OSBP2: variants seen among roughly 807,000 people sequenced by gnomAD.
OSBP2 encodes the protein oxysterol binding protein 2.
OSBP2 carries 66 observed loss-of-function variants against 96.0 expected under a neutral mutation model. The observed-to-expected ratio is 0.69, with a 90% CI of 0.56 to 0.84. OSBP2 has a LOEUF of 0.84. OSBP2 is among the 40% of genes least tolerant of loss of function. OSBP2 has a pLI of 0.00. For missense variants in OSBP2, 1,038 were observed against 1,222.7 expected (o/e 0.85, Z 2.25); for synonymous variants, 525 against 520.9 (o/e 1.01, Z -0.11).
intron 3 of OSBP2, among the ~76,000 whole-genome samples, chr22:30,873,262 G>A (rs2039497571): frequency 6.6e-6 from 1 of 152,154 alleles, no homozygotes; most frequent in Non-Finnish European, 1.5e-5. Context: ...AAGAGGTAAG[G>A]GTGACCTCCT....
intron 1 of OSBP2, among the ~76,000 whole-genome samples, chr22:30,725,477 C>T (rs1312095637): frequency 1.3e-5 from 2 of 151,658 alleles, no homozygotes; most frequent in East Asian, 3.9e-4. Context: ...CACCACTGCA[C>T]TTCGGCCTGG....
intron 2 of OSBP2, among the ~76,000 whole-genome samples, chr22:30,763,980 A>G (rs967743560): frequency 6.6e-6 from 1 of 152,166 alleles, no homozygotes; most frequent in African/African-American, 2.4e-5. Flanking sequence ...TCTGTAACTC[A>G]GTGTCTAGGG....
At position 30,847,000 on chromosome 22, in the gene OSBP2, T is replaced by G. The variant is rs146647460; in HGVS notation, c.854-23429T>G. Among the ~76,000 whole-genome samples, 20 of 152,242 alleles carry G rather than the reference T, an allele frequency of 1.3e-4. No individual in the cohort carries two copies. In the Middle Eastern group the frequency reaches 0.01, roughly 78 times the overall value. The stretch of plus-strand genomic sequence containing the variant: ...TTATTTATTTATTTATTTTTTGAGA[T>G]GGAGTCTTTCTCAATCACCCTGGCT... On this transcript the variant is annotated intron_variant, in intron 2 of 13. Coordinates refer to ENST00000332585, the MANE Select transcript of OSBP2 (RefSeq NM_030758.4).
chr22:30,753,210 T>C (rs1333396452), intron 2 of OSBP2, among the ~76,000 whole-genome samples: 1 of 151,828 alleles, frequency 6.6e-6, no homozygotes, highest in East Asian at 1.9e-4. Context: ...ATTAGCACAG[T>C]GTAAGGTAGG....
intron 1 of OSBP2, among the ~76,000 whole-genome samples, chr22:30,737,656 G>A (rs1035787030): frequency 6.6e-6 from 1 of 151,650 alleles, no homozygotes; most frequent in African/African-American, 2.4e-5. Flanking sequence ...GACCATCTCT[G>A]TTTCTTTCCT....
At chr22:30,730,016 T>A (rs2089721633) in intron 1 of OSBP2, among the ~76,000 whole-genome samples, 2 of 152,090 alleles carry the variant, frequency 1.3e-5, no homozygotes, top group Non-Finnish European at 2.9e-5. Context: ...TGGAGTGCAG[T>A]GGCACAATCT....
chr22:30,851,560 C>G (rs2038978791), intron 2 of OSBP2, among the ~76,000 whole-genome samples: 2 of 152,114 alleles, frequency 1.3e-5, no homozygotes, highest in Non-Finnish European at 2.9e-5. Flanking sequence ...TTCTTCCTTT[C>G]TAACCCATAT....
chr22:30,730,205 T>G (rs2089725490), intron 1 of OSBP2, among the ~76,000 whole-genome samples: 1 of 152,136 alleles, frequency 6.6e-6, no homozygotes, highest in African/African-American at 2.4e-5. Flanking sequence ...TCAAGTGATT[T>G]GACGACCTCG....
chr22:30,866,199 T>C (rs1602382501), intron 2 of OSBP2, among the ~76,000 whole-genome samples: 2 of 152,154 alleles, frequency 1.3e-5, no homozygotes, highest in South Asian at 4.2e-4. Context: ...ATGAAGAATT[T>C]TGAGATGCGG....
At chr22:30,724,841 G>A (rs987124384) in intron 1 of OSBP2, among the ~76,000 whole-genome samples, 9 of 152,108 alleles carry the variant, frequency 5.9e-5, no homozygotes, top group African/African-American at 2.2e-4. Context: ...AGATATCCCA[G>A]TGTGCTCCAT....
rs1264627509 is a variant in OSBP2, at chr22:30,890,479, A to T, written c.1624-249A>T. On this transcript the variant is annotated intron_variant, in intron 7 of 13. Coordinates refer to ENST00000332585, the MANE Select transcript of OSBP2 (RefSeq NM_030758.4). The surrounding 1 kb of genome is among the most constrained non-coding windows in gnomAD (Gnocchi z 4.4). The stretch of plus-strand genomic sequence containing the variant: ...GGTGTCCATCCGAGCAGAGGAGAGC[A>T]ACAGTGAACATGATAAAAGTGTGTA... Among the ~76,000 whole-genome samples the T allele has an allele frequency of 5.9e-5, 9 of 152,240 alleles. No homozygotes were observed. Among genetic ancestry groups the T allele is most frequent in the Admixed American group, 5.9e-4 (9 of 15,290 alleles).
intron 2 of OSBP2, among the ~76,000 whole-genome samples, chr22:30,772,616 C>A (rs2090363373): frequency 6.6e-6 from 1 of 152,190 alleles, no homozygotes; most frequent in Non-Finnish European, 1.5e-5. Context: ...TCTGGGCGAG[C>A]CTGGGACTGG....
chr22:30,725,191 AAAAAAC>A (rs2089625132), intron 1 of OSBP2, among the ~76,000 whole-genome samples: 2 of 95,142 alleles, frequency 2.1e-5, no homozygotes, highest in South Asian at 2.9e-4. Flanking sequence ...CAAAAAAACA[AAAAAAC>A]AAAAAAAAAA....
chr22:30,818,155 C>T (rs1392157507), intron 2 of OSBP2, among the ~76,000 whole-genome samples: 2 of 152,188 alleles, frequency 1.3e-5, no homozygotes, highest in Admixed American at 6.5e-5. Context: ...ATCTCGGCCT[C>T]CCAAAGTGCT....
At chr22:30,885,485 A>G (rs1477399404) in intron 3 of OSBP2, among the ~76,000 whole-genome samples, 1 of 152,214 alleles carries the variant, frequency 6.6e-6, no homozygotes, top group Non-Finnish European at 1.5e-5. Context: ...AGCTGAAAAG[A>G]TTCTGGATGT....
chr22:30,804,106 C>A (rs2090894025), intron 2 of OSBP2, among the ~76,000 whole-genome samples: 2 of 152,192 alleles, frequency 1.3e-5, no homozygotes, highest in Non-Finnish European at 2.9e-5. Flanking sequence ...CTGGCAAGGT[C>A]AGACAGATAG....
intron 2 of OSBP2, among the ~76,000 whole-genome samples, chr22:30,869,754 T>C (rs1376359349): frequency 6.6e-6 from 1 of 152,166 alleles, no homozygotes; most frequent in Non-Finnish European, 1.5e-5. Flanking sequence ...CCAGGCTCTT[T>C]TGGCAGAGTT....
At chr22:30,841,780 CA>C (rs1467505853) in intron 2 of OSBP2, among the ~76,000 whole-genome samples, 3 of 152,110 alleles carry the variant, frequency 2.0e-5, no homozygotes, top group Non-Finnish European at 4.4e-5. Flanking sequence ...GCAGAAGGAT[CA>C]GGGGCCAAGA....
intron 2 of OSBP2, among the ~76,000 whole-genome samples, chr22:30,748,562 C>T (rs1289597412): frequency 6.6e-6 from 1 of 152,158 alleles, no homozygotes; most frequent in Non-Finnish European, 1.5e-5. Flanking sequence ...TGTTGTGGGG[C>T]CAGTGTGCCA....
Sources: gnomAD v4.1 joint callset for allele counts (sites outside exome capture counted in the v4.1 genomes callset) on GRCh38, gnomAD v4.1.1 for gene constraint, Gnocchi (gnomAD v3.1) non-coding constraint, MANE v1.5 for transcripts, NCBI Gene and HGNC (gene_info 2026-07-23, HGNC 2026-07-21) for gene names.